Variants in EML6 observed in about 807,000 individuals in gnomAD.
EML6 encodes the protein echinoderm microtubule-associated protein-like 6.
In EML6, 154 loss-of-function variants were observed where a neutral mutation model predicts 240.1. The observed-to-expected ratio is 0.64, with a 90% CI of 0.56 to 0.73. The LOEUF (loss-of-function observed/expected upper bound fraction) is 0.73. Among genes scored for constraint, EML6 ranks in the 30% least tolerant of loss-of-function variants. EML6 has a pLI of 0.00. For synonymous variants in EML6, 1,148 were observed against 899.0 expected (o/e 1.28, Z -4.95); for missense variants, 2,964 against 2,474.6 (o/e 1.20, Z -4.20).
At chr2:54,909,552 T>G (rs1327173759) in intron 24 of EML6, among the ~76,000 whole-genome samples, 7 of 152,166 alleles carry the variant, frequency 4.6e-5, no homozygotes, top group Non-Finnish European at 7.4e-5. Flanking sequence ...TTCTTAAGAT[T>G]AGCCAAGCTA....
At chr2:54,894,834 C>T (rs1672675232) in intron 19 of EML6, 81 bp from the exon 20 acceptor site, 2 of 842,260 alleles carry the variant, frequency 2.4e-6, no homozygotes, top group Non-Finnish European at 1.9e-6. Context: ...GCTTCCTTAC[C>T]TGCGGGGAAT....
chr2:54,747,444 A>C (rs1475150054), intron 2 of EML6: 2 of 152,244 alleles, frequency 1.3e-5, no homozygotes, highest in Non-Finnish European at 2.9e-5. Context: ...ATACTACTAT[A>C]GGACAAGATC....
intron 2 of EML6, among the ~76,000 whole-genome samples, chr2:54,809,335 C>T (rs1322096263): frequency 6.6e-6 from 1 of 152,142 alleles, no homozygotes; most frequent in Admixed American, 6.5e-5. Flanking sequence ...GTAGAATAAG[C>T]ATTTTGTGTG....
At chr2:54,789,304 G>C (rs907622517) in intron 2 of EML6, among the ~76,000 whole-genome samples, 1 of 151,886 alleles carries the variant, frequency 6.6e-6, no homozygotes, top group South Asian at 2.1e-4. Context: ...ACGAGGTCAG[G>C]AGATCGAGAC....
At chr2:54,914,786 ATT>A (rs71408801) in intron 25 of EML6, among the ~76,000 whole-genome samples, 22 of 150,244 alleles carry the variant, frequency 1.5e-4, no homozygotes, top group Admixed American at 1.4e-3. Context: ...CAAAGAAGCA[ATT>A]TTTTTTTTTA....
At chr2:54,742,912 CAA>C (rs1308901930) in intron 2 of EML6, among the ~76,000 whole-genome samples, 1 of 152,152 alleles carries the variant, frequency 6.6e-6, no homozygotes, top group Non-Finnish European at 1.5e-5. Context: ...TTAAACAAAA[CAA>C]TGTACAACAA....
Position 54,853,854 on chromosome 2 carries a change from A to G in EML6, c.1656A>G (p.Arg552=). The G allele has an allele frequency of 9.1e-6, 14 of 1,546,428 alleles. No homozygotes were observed. Among genetic ancestry groups the G allele is most frequent in the Non-Finnish European group, 1.2e-5 (14 of 1,142,548 alleles). The change falls in exon 11 of 42, where the codon AGA becomes AGG. Residue 552 remains arginine, a splice_region_variant and synonymous_variant. Transcript: ENST00000356458. ...TGTTTAAATTTCCTTGTCTCAAGAG[A>G]GGTAAGGCCAAAAGAGATGTTTCAT... ...VKLFKFPCLK[R]GAKFRKYVGH... is the part of the protein sequence containing the mutation.
intron 28 of EML6, among the ~76,000 whole-genome samples, chr2:54,937,044 C>A (rs537161263): frequency 6.9e-6 from 1 of 145,752 alleles, no homozygotes; most frequent in Non-Finnish European, 1.5e-5. Context: ...CTGTGGGAGG[C>A]GGAGGAGGGT....
chr2:54,745,556 C>T (rs1049435512), intron 2 of EML6, among the ~76,000 whole-genome samples: 3 of 152,128 alleles, frequency 2.0e-5, no homozygotes, highest in East Asian at 1.9e-4. Flanking sequence ...AGGGTAGGAT[C>T]GCTCAAGCCC....
chr2:54,834,082 T>C (rs73935669), intron 7 of EML6, among the ~76,000 whole-genome samples: 6,760 of 152,260 alleles, frequency 0.044, 521 homozygotes, highest in African/African-American at 0.15. Context: ...TCCTCCAATA[T>C]ACATCTTAGT....
chr2:54,860,501 C>G (rs1010287527), intron 12 of EML6, among the ~76,000 whole-genome samples: 3 of 152,144 alleles, frequency 2.0e-5, no homozygotes, highest in Non-Finnish European at 2.9e-5. Context: ...GGCAGACACA[C>G]ATTAACCCAG....
At position 54,952,659 on chromosome 2, in the gene EML6, A is replaced by C. The variant is rs1277792046; in HGVS notation, c.4279A>C (p.Lys1427Gln). 6.4e-7 allele frequency: 1 copy of C among 1,551,346 alleles called. No individual in the cohort carries two copies. Among genetic ancestry groups the C allele is most frequent in the South Asian group, 1.2e-5 (1 of 84,048 alleles). Residue 1427 changes from lysine to glutamine, a missense_variant, in exon 31 of 42, where the codon AAG becomes CAG. By Grantham distance (53) the Lys-to-Gln change is moderately conservative. Transcript: ENST00000356458. ...ILCLTVNQHP[K>Q]YRNVVATSQI... ...CTGTCTCACAGTGAACCAGCACCCC[A>C]AGTACAGAAACGTGGTGGCCACCAG... is the stretch of plus-strand genomic sequence containing the variant.
chr2:54,763,387 C>T (rs569017544), intron 2 of EML6, among the ~76,000 whole-genome samples: 9 of 152,126 alleles, frequency 5.9e-5, no homozygotes, highest in African/African-American at 1.2e-4. Flanking sequence ...TAGGCTTCTC[C>T]CTCTATTCTT....
chr2:54,913,243 CT>C (rs201560861), intron 25 of EML6, among the ~76,000 whole-genome samples: 3,468 of 144,276 alleles, frequency 0.024, 136 homozygotes, highest in African/African-American at 0.076. Flanking sequence ...CTTTTGCCCA[CT>C]TTTTTTTTTT....
intron 2 of EML6, among the ~76,000 whole-genome samples, chr2:54,807,567 A>T (rs1025516291): frequency 6.6e-6 from 1 of 152,192 alleles, no homozygotes; most frequent in African/African-American, 2.4e-5. Context: ...TCAAGCCACC[A>T]ATGTGACATC....
chr2:54,866,404 A>G (rs979739984), intron 13 of EML6, among the ~76,000 whole-genome samples: 4 of 152,220 alleles, frequency 2.6e-5, no homozygotes, highest in Admixed American at 2.6e-4. Context: ...GTCATGACTC[A>G]TGAGGTCCAC....
chr2:54,960,030 G>A (rs369906825), intron 34 of EML6, among the ~76,000 whole-genome samples, 190 bp from the exon 35 acceptor site: 51 of 152,330 alleles, frequency 3.3e-4, no homozygotes, highest in African/African-American at 9.6e-4. Context: ...GCAAGCTCAG[G>A]AGGTTGGGAT....
chr2:54,796,457 T>A (rs1669779759), intron 2 of EML6, among the ~76,000 whole-genome samples: 1 of 152,136 alleles, frequency 6.6e-6, no homozygotes, highest in Non-Finnish European at 1.5e-5. Context: ...TTTTGAAGTG[T>A]ATTGAGTAAA....
At chr2:54,931,179 G>C (rs1009180933) in intron 28 of EML6, among the ~76,000 whole-genome samples, 11 of 151,714 alleles carry the variant, frequency 7.3e-5, no homozygotes, top group Admixed American at 6.6e-5. Context: ...GGATGGTCTC[G>C]ATCTCCTGAC....
Sources: allele counts gnomAD v4.1 joint callset (sites outside exome capture counted in the v4.1 genomes callset), GRCh38; gene constraint gnomAD v4.1.1; transcripts MANE v1.5; gene names NCBI Gene and HGNC (gene_info 2026-07-23, HGNC 2026-07-21).